FAM107A: variants seen among roughly 807,000 people sequenced by gnomAD.
FAM107A encodes the protein family with sequence similarity 107 member A, also known as actin-associated protein FAM107A.
FAM107A carries 19 observed loss-of-function variants against 13.7 expected under a neutral mutation model. The observed-to-expected ratio is 1.38, with a 90% CI of 0.97 to 2.03. The LOEUF is 2.03. Among genes scored for constraint, FAM107A ranks in the 30% most tolerant of loss-of-function variants. The probability of loss-of-function intolerance (pLI) is 0.00; values close to 1 mark genes in which losing one functional copy is unlikely to be tolerated. For missense variants in FAM107A, 203 were observed against 184.4 expected, an observed-to-expected ratio of 1.10 and a Z score of -0.58; for synonymous variants, 82 against 74.5, an observed-to-expected ratio of 1.10 and a Z score of -0.52.
At chr3:58,623,147 G>A (rs1293019924) in intron 1 of FAM107A, among the ~76,000 whole-genome samples, 2 of 152,204 alleles carry the variant, frequency 1.3e-5, no homozygotes, top group African/African-American at 4.8e-5. Flanking sequence ...AGCCAGATGT[G>A]TACCTTCTGG....
rs1375462600 is a variant in FAM107A, at chr3:58,569,302, G to A, written c.170+389C>T. On this transcript the variant is annotated intron_variant, in intron 2 of 3. Transcript: ENST00000360997. The surrounding 1 kb of genome is among the most constrained non-coding windows in gnomAD (Gnocchi z 5.7). ...CCTCTGGGGTCTCAGGCCTATTTAT[G>A]CCCTCATCAATGCACCCATCCTACT... 6.6e-6 allele frequency among the ~76,000 whole-genome samples: 1 copy of A among 152,130 alleles called. No homozygotes were observed. Among genetic ancestry groups the A allele is most frequent in the Non-Finnish European group, 1.5e-5 (1 of 68,026 alleles).
upstream of FAM107A, among the ~76,000 whole-genome samples, chr3:58,587,320 C>G (rs901247273): frequency 1.3e-5 from 2 of 152,318 alleles, no homozygotes; most frequent in African/African-American, 4.8e-5. Flanking sequence ...GGTTCTGAAG[C>G]GCCATACCTG....
chr3:58,611,000 C>T (rs2065848823), intron 1 of FAM107A, among the ~76,000 whole-genome samples: 1 of 152,178 alleles, frequency 6.6e-6, no homozygotes, highest in Admixed American at 6.5e-5. Context: ...ATGCTGTTCT[C>T]ATGATAGTGA....
chr3:58,588,324 A>G (rs1167648009), upstream of FAM107A, among the ~76,000 whole-genome samples: 1 of 152,212 alleles, frequency 6.6e-6, no homozygotes, highest in Non-Finnish European at 1.5e-5. Context: ...GCGGCCTGTT[A>G]CCAGCCTTGG....
intron 1 of FAM107A, among the ~76,000 whole-genome samples, chr3:58,594,763 C>A (rs1390728567): frequency 6.6e-6 from 1 of 152,126 alleles, no homozygotes; most frequent in Non-Finnish European, 1.5e-5. Flanking sequence ...AAAAAGAGGA[C>A]TGTATATTTT....
chr3:58,587,442 TC>T (rs2065619762), upstream of FAM107A, among the ~76,000 whole-genome samples: 1 of 151,862 alleles, frequency 6.6e-6, no homozygotes, highest in Admixed American at 6.6e-5. Flanking sequence ...CAGAGTACTT[TC>T]CTCACATGGT....
intron 1 of FAM107A, among the ~76,000 whole-genome samples, chr3:58,572,430 G>C (rs568962263): frequency 6.6e-6 from 1 of 152,288 alleles, no homozygotes; most frequent in South Asian, 2.1e-4. Flanking sequence ...ATTAAGATCT[G>C]ACAGTTGAGA....
chr3:58,599,696 A>ATTTTTTT (rs57244654), intron 1 of FAM107A, among the ~76,000 whole-genome samples: 1,029 of 78,462 alleles, frequency 0.013, 267 homozygotes, highest in Non-Finnish European at 0.021. Context: ...CAAGTGCACC[A>ATTTTTTT]TTTTTTTTTT....
chr3:58,609,797 T>A (rs563328817), intron 1 of FAM107A, among the ~76,000 whole-genome samples: 1 of 152,342 alleles, frequency 6.6e-6, no homozygotes, highest in East Asian at 1.9e-4. Flanking sequence ...TGAGGCCATC[T>A]GTGACCTCTT....
intron 1 of FAM107A, among the ~76,000 whole-genome samples, chr3:58,607,405 C>T (rs982922701): frequency 2.0e-4 from 31 of 152,042 alleles, no homozygotes; most frequent in Non-Finnish European, 4.1e-4. Context: ...GTGTGGGAGA[C>T]AGACCCCTAG....
upstream of FAM107A, chr3:58,589,334 T>TACATTGTGA: frequency 9.5e-7 from 1 of 1,055,896 alleles, no homozygotes; most frequent in Non-Finnish European, 1.4e-6. Flanking sequence ...GGAGGGGTGA[T>TACATTGTGA]ATATTCACAA....
At chr3:58,607,697 G>T (rs2065809141) in intron 1 of FAM107A, 1 of 152,208 alleles carries the variant, frequency 6.6e-6, no homozygotes, top group Admixed American at 6.5e-5. Flanking sequence ...AGCTAGGTAA[G>T]GTGCCCCCAT....
chr3:58,619,989 C>G lies in FAM107A; in HGVS notation c.-70+7427G>C, dbSNP rs370681759. Among the ~76,000 whole-genome samples, 311 of 152,234 alleles carry G rather than the reference C, an allele frequency of 2.0e-3. 1 individual carries two copies. Among genetic ancestry groups the G allele is most frequent in the African/African-American group, 6.9e-3 (288 of 41,534 alleles). Reference sequence around the variant, plus strand: ...AGGGATTCAGTCTATGTCCCTTCCCCCCAGCCTGAAGTTCTGCATGGATCC... The same window carrying G: ...AGGGATTCAGTCTATGTCCCTTCCCGCCAGCCTGAAGTTCTGCATGGATCC... On this transcript the variant is annotated intron_variant, in intron 1 of 3. Coordinates refer to the FAM107A transcript ENST00000465970.
rs1179854609 is a variant in FAM107A at position 58,569,727 on chromosome 3, T to C, written c.134A>G (p.Gln45Arg). ...LNPVKASRSH[Q>R]ELHRELLMNH... is the part of the protein sequence containing the mutation. ...CATGAGCAGCTCCCGGTGGAGCTCC[T>C]GGTGACTCCGAGAGGCCTTCACGGG... Residue 45 changes from glutamine (Q) to arginine (R), a missense_variant, in exon 2 of 4, where the codon CAG becomes CGG. Transcript: ENST00000360997. The surrounding 1 kb of genome is among the most constrained non-coding windows in gnomAD (Gnocchi z 5.7). 1 of 1,614,010 alleles carries C rather than the reference T, an allele frequency of 6.2e-7. No individual in the cohort carries two copies. The highest frequency in any genetic ancestry group is 1.7e-5 in the Admixed American group (1 of 60,004).
chr3:58,570,030 C>A (rs2063665965), intron 1 of FAM107A, among the ~76,000 whole-genome samples, 165 bp from the exon 2 acceptor site: 1 of 152,164 alleles, frequency 6.6e-6, no homozygotes, highest in Admixed American at 6.5e-5. Flanking sequence ...AGTTTCTTCA[C>A]TTATAAAATG....
intron 1 of FAM107A, among the ~76,000 whole-genome samples, chr3:58,619,629 T>G (rs758294045): frequency 2.6e-5 from 4 of 152,220 alleles, no homozygotes; most frequent in Non-Finnish European, 5.9e-5. Flanking sequence ...AGGTCCTATC[T>G]GCTTCCCTCA....
At chr3:58,583,620 C>CA (rs35261702) in intron 1 of FAM107A, among the ~76,000 whole-genome samples, 269 of 147,378 alleles carry the variant, frequency 1.8e-3, no homozygotes, top group South Asian at 5.2e-3. Flanking sequence ...AAAACTCTGT[C>CA]AAAAAAAAAA....
At chr3:58,619,229 G>T (rs906130050) in intron 1 of FAM107A, among the ~76,000 whole-genome samples, 4 of 152,116 alleles carry the variant, frequency 2.6e-5, no homozygotes, top group African/African-American at 9.7e-5. Flanking sequence ...CTGAATTCCT[G>T]GGCTCAAGTG....
intron 1 of FAM107A, among the ~76,000 whole-genome samples, chr3:58,574,830 C>T (rs1422690456): frequency 6.6e-6 from 1 of 152,152 alleles, no homozygotes; most frequent in Non-Finnish European, 1.5e-5. Flanking sequence ...CCACAGGCTC[C>T]ACAGGATGTT....
Sources: gnomAD v4.1 joint callset for allele counts (sites outside exome capture counted in the v4.1 genomes callset) on GRCh38, gnomAD v4.1.1 for gene constraint, Gnocchi (gnomAD v3.1) non-coding constraint, MANE v1.5 for transcripts, NCBI Gene and HGNC (gene_info 2026-07-23, HGNC 2026-07-21) for gene names.